Variants in RCCD1 observed in about 807,000 individuals in gnomAD.
RCCD1 encodes RCC1 domain-containing protein 1.
In RCCD1, 40 loss-of-function variants were observed where a neutral mutation model predicts 37.6. That is an observed-to-expected ratio of 1.06 (90% CI 0.83 to 1.39). The LOEUF is 1.39. Among genes scored for constraint, RCCD1 ranks in the 40% most tolerant of loss-of-function variants. The pLI, the probability that RCCD1 is intolerant of heterozygous loss-of-function variation, is 0.00. For synonymous variants in RCCD1, 263 were observed against 230.0 expected (o/e 1.14, Z -1.30); for missense variants, 577 against 517.3 (o/e 1.12, Z -1.12).
chr15:90,956,423 A>G (rs1335452213), intron 1 of RCCD1, among the ~76,000 whole-genome samples, 189 bp from the exon 2 acceptor site: 1 of 152,240 alleles, frequency 6.6e-6, no homozygotes, highest in Non-Finnish European at 1.5e-5. Flanking sequence ...CCTAAAGGAC[A>G]GGCCACTTCG....
intron 6 of RCCD1, 158 bp from the exon 7 acceptor site, chr15:90,960,867 C>A: frequency 1.3e-6 from 1 of 764,758 alleles, no homozygotes; most frequent in South Asian, 1.5e-5. Flanking sequence ...TGCCATGCCA[C>A]GTGTGATCAG....
chr15:90,956,645 C>A lies in RCCD1; in HGVS notation c.-90C>A. On this transcript the variant is annotated 5_prime_UTR_variant, in exon 2 of 8. Coordinates refer to ENST00000394258, the MANE Select transcript of RCCD1 (RefSeq NM_001017919.2). ...GCTCCAGCCCCTGGAAGGCCAGAGA[C>A]TTGCCAGTGTCCCACTAGCGGGCTC... is the stretch of plus-strand genomic sequence containing the variant. 8.6e-7 allele frequency: 1 copy of A among 1,163,066 alleles called. No individual in the cohort carries two copies. The highest frequency in any genetic ancestry group is 1.1e-6 in the Non-Finnish European group (1 of 924,756). 72.0% of individuals were successfully genotyped at this position (1,163,066 alleles called of 1,614,324 possible). A position where few individuals can be genotyped will look rare whatever the true frequency, so the allele number is the denominator to read the frequency against.
chr15:90,955,260 A>G (rs1011538235), intron 1 of RCCD1: 32 of 152,086 alleles, frequency 2.1e-4, no homozygotes, highest in African/African-American at 7.5e-4. Context: ...CCGGGCGGCG[A>G]CGTCACCGCC....
intron 7 of RCCD1, chr15:90,961,415 C>A (rs1033219382): frequency 3.5e-5 from 21 of 594,806 alleles, no homozygotes; most frequent in Admixed American, 3.4e-4. Flanking sequence ...GCAGGGAAGT[C>A]TGGAGGAGCG....
chr15:90,956,314 C>A (rs918496135), intron 1 of RCCD1, among the ~76,000 whole-genome samples: 2 of 152,270 alleles, frequency 1.3e-5, no homozygotes, highest in South Asian at 2.1e-4. Context: ...TGTAAAACGA[C>A]CATTTTGGTT....
rs909516689 is a variant in RCCD1 at position 90,960,513 on chromosome 15, G to A, written c.949+15G>A. On this transcript the variant is annotated intron_variant, in intron 6 of 7. Coordinates refer to ENST00000394258, the MANE Select transcript of RCCD1 (RefSeq NM_001017919.2). ...TGTGGTGACACGTGAGTGGGGCTGG[G>A]AGGCACTCTGCTCCACTCGAGCTGG... 1 of 1,601,624 alleles carries A rather than the reference G, an allele frequency of 6.2e-7. No homozygotes were observed. The highest frequency in any genetic ancestry group is 1.3e-5 in the African/African-American group (1 of 74,916).
rs757241432 is a variant in RCCD1, at chr15:90,960,367, C to A, written c.818C>A (p.Thr273Lys). ...GAAGATGGTTCTCAGGTGAAGAGAA[C>A]GGGTGGGGCTGAGGATGGAGCCCCT... ...LNEDGSQVKRTGGAEDGAPAP... is the reference protein window; with the variant it reads ...LNEDGSQVKRKGGAEDGAPAP... Residue 273 changes from threonine (T) to lysine (K), a missense_variant, in exon 6 of 8, where the codon ACG becomes AAG. Transcript: ENST00000394258. 8 of 1,612,806 alleles carry A rather than the reference C, an allele frequency of 5.0e-6. No individual in the cohort carries two copies. The highest frequency in any genetic ancestry group is 6.8e-6 in the Non-Finnish European group (8 of 1,179,574).
chr15:90,960,234 T>G, intron 5 of RCCD1, 94 bp from the exon 6 acceptor site: 1 of 1,303,134 alleles, frequency 7.7e-7, no homozygotes, highest in Non-Finnish European at 1.1e-6. Context: ...TAGGCAGTCG[T>G]GTACCTCAGA....
At chr15:90,955,197 C>G (rs1035455360) in intron 1 of RCCD1, 1 of 152,294 alleles carries the variant, frequency 6.6e-6, no homozygotes, top group Admixed American at 6.5e-5. Context: ...GCGTAGGCCT[C>G]GGGACCGGAG....
At chr15:90,955,515 C>G (rs917126862) in intron 1 of RCCD1, 3 of 152,320 alleles carry the variant, frequency 2.0e-5, no homozygotes, top group Admixed American at 2.0e-4. Context: ...GAACTGGGGT[C>G]TCAGGAGAGA....
At position 90,961,614 on chromosome 15, in the gene RCCD1, T is replaced by C. The variant is rs2151382822; in HGVS notation, c.980-4T>C. 1 of 1,610,494 alleles carries C rather than the reference T, an allele frequency of 6.2e-7. No homozygotes were observed. The highest frequency in any genetic ancestry group is 8.5e-7 in the Non-Finnish European group (1 of 1,177,786). On this transcript the variant is annotated splice_polypyrimidine_tract_variant and splice_region_variant and intron_variant, in intron 7 of 7. Coordinates refer to ENST00000394258, the MANE Select transcript of RCCD1 (RefSeq NM_001017919.2). ...CGATGGCAAAGGGGCTGATTTCACT[T>C]TAGGTAAATATGGACAGCTGGGCCA... is the stretch of plus-strand genomic sequence containing the variant.
Position 90,961,055 on chromosome 15 carries a change from G to A in RCCD1, c.979+1G>A. 1 of 1,613,700 alleles carries A rather than the reference G, an allele frequency of 6.2e-7. No individual in the cohort carries two copies. Reference sequence around the variant, plus strand: ...GGGGAGCTCTACACCTGGGGCTGGGGTAAGTAAAAGGATTGTTTTTGTGAC... The same window carrying A: ...GGGGAGCTCTACACCTGGGGCTGGGATAAGTAAAAGGATTGTTTTTGTGAC... On this transcript the variant is annotated splice_donor_variant, in intron 7 of 7. Transcript: ENST00000394258. LOFTEE classifies it high-confidence loss of function.
chr15:90,957,801 G>A (rs1254885847), intron 4 of RCCD1, 76 bp downstream of exon 4: 2 of 1,530,966 alleles, frequency 1.3e-6, no homozygotes, highest in Non-Finnish European at 8.8e-7. Flanking sequence ...AGTTTGGGTG[G>A]GGGCCTACCC....
chr15:90,959,806 A>T, intron 4 of RCCD1, 94 bp from the exon 5 acceptor site: 1 of 964,368 alleles, frequency 1.0e-6, no homozygotes, highest in Non-Finnish European at 1.6e-6. Context: ...GGCAGGCTTT[A>T]GTTGTCCCCA....
At position 90,960,431 on chromosome 15, in the gene RCCD1, G is replaced by T; in HGVS notation, c.882G>T (p.Leu294=). Residue 294 remains leucine, a synonymous_variant, in exon 6 of 8, where the codon CTG becomes CTT. Coordinates refer to ENST00000394258, the MANE Select transcript of RCCD1 (RefSeq NM_001017919.2). The part of the protein sequence containing the change: ...FIAVQPFPAL[L]DLPMGSDAVK... ...CTGTCCAGCCCTTCCCGGCATTACT[G>T]GATCTCCCCATGGGCTCAGATGCAG... 6.2e-7 allele frequency: 1 copy of T among 1,613,552 alleles called. No individual in the cohort carries two copies.
Position 90,960,495 on chromosome 15 carries a change from A to T in RCCD1, c.946A>T (p.Thr316Ser). ...SCGSRHTAVV[T>S]RTGELYTWGW... ...TGGATCCCGGCACACAGCTGTGGTG[A>T]CACGTGAGTGGGGCTGGGAGGCACT... The change falls in exon 6 of 8, where the codon ACA (threonine) becomes TCA (serine). Residue 316 changes from threonine (T) to serine (S), a missense_variant. Thr to Ser is a moderately conservative substitution (Grantham distance 58). Transcript: ENST00000394258. The T allele has an allele frequency of 6.2e-7, 1 of 1,607,522 alleles. No individual in the cohort carries two copies. Among genetic ancestry groups the T allele is most frequent in the Non-Finnish European group, 8.5e-7 (1 of 1,179,208 alleles).
At position 90,957,306 on chromosome 15, in the gene RCCD1, AG is replaced by A. The variant is rs1201787392; in HGVS notation, c.364del (p.Glu122LysfsTer23). On this transcript the variant is annotated frameshift_variant, in exon 3 of 8. Coordinates refer to ENST00000394258, the MANE Select transcript of RCCD1 (RefSeq NM_001017919.2). LOFTEE classifies it high-confidence loss of function. ...CCCAGAATGTGGTGCCCGAGGCCGA[AG>A]GGGAAGACGATCCGGCCGGTGAGGC... is the stretch of plus-strand genomic sequence containing the variant. Reference protein sequence around the residue: ...WAQNVVPEAEGEDDPAGEAQA... With the variant: ...WAQNVVPEAEXEDDPAGEAQA... 7 of 1,535,396 alleles carry A rather than the reference AG, an allele frequency of 4.6e-6. No individual in the cohort carries two copies. The African/African-American group carries it at 5.5e-5, about 12-fold the overall frequency.
chr15:90,957,706 G>T lies in RCCD1; in HGVS notation c.660G>T (p.Trp220Cys), dbSNP rs1236300073. ...TGGCTGAGGTGGCCGCGGGGGGCTG[G>T]CATTCTGTGTGTGTGAGTGGTGAGT... ...LVMAEVAAGG[W>C]HSVCVSETGD... The change falls in exon 4 of 8, where the codon TGG becomes TGT. Residue 220 changes from tryptophan to cysteine, a missense_variant. Transcript: ENST00000394258. 6.2e-7 allele frequency: 1 copy of T among 1,611,506 alleles called. No individual in the cohort carries two copies. Among genetic ancestry groups the T allele is most frequent in the African/African-American group, 1.3e-5 (1 of 74,980 alleles).
Position 90,961,070 on chromosome 15 carries a change from G to GT in RCCD1, c.979+21dup, listed in dbSNP as rs2037305634. The GT allele has an allele frequency of 3.1e-6, 5 of 1,613,250 alleles. No individual in the cohort carries two copies. The highest frequency in any genetic ancestry group is 4.2e-6 in the Non-Finnish European group (5 of 1,179,678). The stretch of plus-strand genomic sequence containing the variant: ...TGGGGCTGGGGTAAGTAAAAGGATT[G>GT]TTTTTGTGACCCTGAAACCAAGGAG... On this transcript the variant is annotated intron_variant, in intron 7 of 7. Coordinates refer to ENST00000394258, the MANE Select transcript of RCCD1 (RefSeq NM_001017919.2).
Sources: gnomAD v4.1 joint callset for allele counts (sites outside exome capture counted in the v4.1 genomes callset) on GRCh38, gnomAD v4.1.1 for gene constraint, MANE v1.5 for transcripts, NCBI Gene and HGNC (gene_info 2026-07-23, HGNC 2026-07-21) for gene names.